UNC93B1: variants seen among roughly 807,000 people sequenced by gnomAD.
UNC93B1 encodes unc-93B1 regulator of TLR signaling, also known as protein unc-93 homolog B1.
Under a neutral mutation model 56.8 loss-of-function variants are expected in UNC93B1, and 33 were observed. The observed-to-expected ratio is 0.58, with a 90% CI of 0.44 to 0.78. The LOEUF is 0.78. Among genes scored for constraint, UNC93B1 ranks in the 30% least tolerant of loss-of-function variants. UNC93B1 has a pLI of 0.00. For synonymous variants in UNC93B1, 334 were observed against 358.6 expected (o/e 0.93, Z 0.77); for missense variants, 673 against 819.5 (o/e 0.82, Z 2.18).
Position 67,996,675 on chromosome 11 carries a change from C to T in UNC93B1, c.1016G>A (p.Arg339His). ...AAAGAAAGGCACGAGGTGGCGCAGG[C>T]GGTAGTCACGCACGTGCTTGAAGGG... ...QLPFKHVRDY[R>H]LRHLVPFFIY... The change falls in exon 8 of 11, where the codon CGC (arginine) becomes CAC (histidine). Residue 339 changes from arginine (R) to histidine (H), a missense_variant. Physicochemically the swap from Arg to His is conservative, Grantham distance 29 (BLOSUM62 0). Coordinates refer to ENST00000227471, the MANE Select transcript of UNC93B1 (RefSeq NM_030930.4). The T allele has an allele frequency of 6.4e-7, 1 of 1,551,606 alleles. No individual in the cohort carries two copies. The highest frequency in any genetic ancestry group is 8.7e-7 in the Non-Finnish European group (1 of 1,146,936).
intron 3 of UNC93B1, among the ~76,000 whole-genome samples, chr11:68,002,634 C>T (rs1197522759): frequency 1.3e-5 from 2 of 152,146 alleles, no homozygotes; most frequent in Non-Finnish European, 2.9e-5. Flanking sequence ...GTCACAGCGA[C>T]TGGGCCAGGC....
At chr11:67,997,499 T>C in intron 7 of UNC93B1, 176 bp downstream of exon 7, 1 of 1,138,522 alleles carries the variant, frequency 8.8e-7, no homozygotes, top group Non-Finnish European at 1.2e-6. Context: ...TCATGCCCGC[T>C]CTGCAGCACT....
Position 67,995,786 on chromosome 11 carries a change from G to A in UNC93B1, c.1188C>T (p.Gly396=). ...GGGGCACCGGGCGTGGCAGCCACAGGCCCAGCAGGCCCAGGAGTGAGGCGG... is the reference window on the plus strand; with the variant it reads ...GGGGCACCGGGCGTGGCAGCCACAGACCCAGCAGGCCCAGGAGTGAGGCGG... ...ASAASLLGLL[G]LWLPRPVPLV... is the part of the protein sequence containing the mutation. The change falls in exon 9 of 11, where the codon GGC becomes GGT. Residue 396 remains glycine, a synonymous_variant. Transcript: ENST00000227471. The A allele has an allele frequency of 6.5e-7, 1 of 1,547,738 alleles. No individual in the cohort carries two copies.
At position 67,995,686 on chromosome 11, in the gene UNC93B1, G is replaced by A; in HGVS notation, c.1288C>T (p.Gln430Ter). The A allele has an allele frequency of 6.5e-7, 1 of 1,546,468 alleles. No individual in the cohort carries two copies. Among genetic ancestry groups the A allele is most frequent in the Non-Finnish European group, 8.7e-7 (1 of 1,146,314 alleles). Residue 430 changes from glutamine to a stop codon, truncating the protein, a stop_gained, in exon 9 of 11, where the codon CAA becomes TAA. Coordinates refer to ENST00000227471, the MANE Select transcript of UNC93B1 (RefSeq NM_030930.4). LOFTEE classifies it high-confidence loss of function. ...GCCACATAGAGGATCCAGCTGTGTT[G>A]CAGGACCCGAGGCACAGGGGCCCAG... is the stretch of plus-strand genomic sequence containing the variant. ...FFWAPVPRVL[Q>*]HSWILYVAAA...
chr11:67,993,072 C>T (rs1479438041), intron 10 of UNC93B1, among the ~76,000 whole-genome samples: 1 of 152,036 alleles, frequency 6.6e-6, no homozygotes, highest in Non-Finnish European at 1.5e-5. Flanking sequence ...TAACTGCAAC[C>T]TCCGCCTCCC....
intron 3 of UNC93B1, among the ~76,000 whole-genome samples, chr11:68,002,518 G>C (rs529648478): frequency 6.6e-6 from 1 of 152,310 alleles, no homozygotes; most frequent in East Asian, 1.9e-4. Context: ...CTGTGGACCG[G>C]TGATGGGGAG....
At chr11:67,994,855 A>T (rs1258206206) in intron 9 of UNC93B1, among the ~76,000 whole-genome samples, 1 of 152,242 alleles carries the variant, frequency 6.6e-6, no homozygotes, top group African/African-American at 2.4e-5. Flanking sequence ...ACAGACACTG[A>T]CATGGATGCC....
At position 68,003,011 on chromosome 11, in the gene UNC93B1, G is replaced by A. The variant is rs201729211; in HGVS notation, c.392+11C>T. The A allele has an allele frequency of 7.7e-4, 1,234 of 1,604,166 alleles. 3 individuals are homozygous for A. The highest frequency in any genetic ancestry group is 1.7e-3 in the Admixed American group (102 of 58,866). ...AGTACCGCAGCATCCCACAGGAGCA[G>A]CCGCGCCCACCTGATGAGCACAGGT... is the stretch of plus-strand genomic sequence containing the variant. On this transcript the variant is annotated intron_variant, in intron 3 of 10. Coordinates refer to ENST00000227471, the MANE Select transcript of UNC93B1 (RefSeq NM_030930.4). This position sits in a 1 kb window ranked among gnomAD's most constrained non-coding sequence, Gnocchi z 4.4.
intron 7 of UNC93B1, among the ~76,000 whole-genome samples, chr11:67,997,111 T>TCTCAGCCCCGCGCCAGAC (rs1197859033): frequency 6.6e-6 from 1 of 150,644 alleles, no homozygotes; most frequent in Non-Finnish European, 1.5e-5. Context: ...CAACCTTCCT[T>TCTCAGCCCCGCGCCAGAC]CTCAGCCCCG....
At chr11:67,996,456 AGGGAAGAGAAAGCAG>A (rs913455324) in intron 8 of UNC93B1, 131 bp downstream of exon 8, 2 of 1,157,406 alleles carry the variant, frequency 1.7e-6, no homozygotes, top group Admixed American at 6.0e-5. Context: ...GGGGTAAGAG[AGGGAAGAGAAAGCAG>A]GAGGGGGATA....
chr11:67,994,905 G>A (rs990930018), intron 9 of UNC93B1, among the ~76,000 whole-genome samples: 29 of 152,240 alleles, frequency 1.9e-4, no homozygotes, highest in African/African-American at 6.0e-4. Flanking sequence ...GTTTCACTGC[G>A]TGTGCCCATC....
chr11:67,999,888 G>A (rs1263561012), intron 3 of UNC93B1, among the ~76,000 whole-genome samples: 1 of 152,234 alleles, frequency 6.6e-6, no homozygotes, highest in South Asian at 2.1e-4. Flanking sequence ...CTGTAATATG[G>A]GCACGGAGCC....
rs1408241432 is a variant in UNC93B1, at chr11:67,995,739, T to C, written c.1235A>G (p.His412Arg). The change falls in exon 9 of 11, where the codon CAC becomes CGC. Residue 412 changes from histidine to arginine, a missense_variant. This residue lies in a region of UNC93B1 where 155 missense variants were observed against 268.3 expected (regional missense o/e 0.58). Coordinates refer to ENST00000227471, the MANE Select transcript of UNC93B1 (RefSeq NM_030930.4). Reference protein sequence around the residue: ...PVPLVAGAGVHLLLTFILFFW... With the variant: ...PVPLVAGAGVRLLLTFILFFW... ...AAAGAGGATGAAGGTGAGCAGCAGG[T>C]GCACCCCTGCTCCGGCCACCAGGGG... is the stretch of plus-strand genomic sequence containing the variant. The C allele has an allele frequency of 6.5e-7, 1 of 1,548,390 alleles. No individual in the cohort carries two copies. The highest frequency in any genetic ancestry group is 8.7e-7 in the Non-Finnish European group (1 of 1,146,850).
chr11:67,994,238 A>G (rs1055825450), intron 9 of UNC93B1, among the ~76,000 whole-genome samples: 21 of 152,206 alleles, frequency 1.4e-4, no homozygotes, highest in African/African-American at 4.6e-4. Context: ...ATTCCTTTCC[A>G]GTGAGTCCTC....
intron 3 of UNC93B1, among the ~76,000 whole-genome samples, 186 bp from the exon 4 acceptor site, chr11:67,999,866 C>T (rs970354735): frequency 1.3e-5 from 2 of 152,214 alleles, no homozygotes; most frequent in Non-Finnish European, 2.9e-5. Flanking sequence ...TACTGTGCCT[C>T]AGTTTTCCCA....
rs188940236 is a variant in UNC93B1, at chr11:68,003,938, C to T, written c.96+10G>A. 6.0e-4 allele frequency: 833 copies of T among 1,376,864 alleles called. 10 individuals carry two copies. The East Asian group carries it at 0.023, about 38-fold the overall frequency. 85.3% of individuals were successfully genotyped at this position (1,376,864 alleles called of 1,614,324 possible). On this transcript the variant is annotated intron_variant, in intron 1 of 10. Transcript: ENST00000227471. This position sits in a 1 kb window ranked among gnomAD's most constrained non-coding sequence, Gnocchi z 4.4. The stretch of plus-strand genomic sequence containing the variant: ...GACGCCCGCGCCTCGCACTCCGGGT[C>T]CCCGCTCACCGGGGCCTCGGGCCCG...
At chr11:67,993,193 C>T (rs1419944132) in intron 10 of UNC93B1, among the ~76,000 whole-genome samples, 2 of 152,108 alleles carry the variant, frequency 1.3e-5, no homozygotes, top group African/African-American at 2.4e-5. Flanking sequence ...TTCACCATGT[C>T]GGTCAGGCTG....
intron 10 of UNC93B1, 86 bp downstream of exon 10, chr11:67,993,590 G>A: frequency 5.5e-6 from 5 of 914,908 alleles, no homozygotes; most frequent in Non-Finnish European, 8.6e-6. Context: ...GGGAAGGGGT[G>A]GCATTTAGGA....
rs1385598072 is a variant in UNC93B1, at chr11:68,003,737, T to C, written c.158A>G (p.Tyr53Cys). ...GAGCACGCCCAGGCGCTTGCGGCGG[T>C]AGTAGCGGCGCTCCTCCTCCTCCTC... ...YNEEEEERRY[Y>C]RRKRLGVLKN... is the part of the protein sequence containing the mutation. The change falls in exon 2 of 11, where the codon TAC (tyrosine) becomes TGC (cysteine). Residue 53 changes from tyrosine to cysteine, a missense_variant. By Grantham distance (194) the Tyr-to-Cys change is radical. This residue lies in a region of UNC93B1 where 438 missense variants were observed against 465.9 expected (regional missense o/e 0.94). Coordinates refer to ENST00000227471, the MANE Select transcript of UNC93B1 (RefSeq NM_030930.4). The surrounding 1 kb of genome is among the most constrained non-coding windows in gnomAD (Gnocchi z 4.4). 1.3e-6 allele frequency: 2 copies of C among 1,525,484 alleles called. No individual in the cohort carries two copies. Among genetic ancestry groups the C allele is most frequent in the Admixed American group, 4.0e-5 (2 of 50,174 alleles). 94.5% of individuals were successfully genotyped at this position (1,525,484 alleles called of 1,614,324 possible). A position where few individuals can be genotyped will look rare whatever the true frequency, so the allele number is the denominator to read the frequency against.
Sources: gnomAD v4.1 joint callset for allele counts (sites outside exome capture counted in the v4.1 genomes callset) on GRCh38, gnomAD v4.1.1 for gene constraint, gnomAD v4.1.1 regional missense constraint, Gnocchi (gnomAD v3.1) non-coding constraint, MANE v1.5 for transcripts, NCBI Gene and HGNC (gene_info 2026-07-23, HGNC 2026-07-21) for gene names.